The following GALK2 variants were observed in gnomAD, a reference collection of about 807,000 sequenced individuals.
The protein encoded by GALK2 is galactokinase 2, also known as N-acetylgalactosamine kinase.
GALK2 carries 36 observed loss-of-function variants against 52.4 expected under a neutral mutation model. The observed-to-expected ratio is 0.69, with a 90% CI of 0.53 to 0.91. The LOEUF is 0.91. GALK2 is among the 40% of genes least tolerant of loss of function. The probability of loss-of-function intolerance (pLI) is 0.00; values close to 1 mark genes in which losing one functional copy is unlikely to be tolerated. For missense variants in GALK2, 579 were observed against 559.1 expected (o/e 1.04, Z -0.36); for synonymous variants, 176 against 199.1 (o/e 0.88, Z 0.98).
intron 5 of GALK2, among the ~76,000 whole-genome samples, chr15:49,271,742 T>G (rs2030664410): frequency 6.6e-6 from 1 of 152,210 alleles, no homozygotes; most frequent in African/African-American, 2.4e-5. Context: ...GGCATTACAA[T>G]TATTGGGCTA....
chr15:49,177,744 C>T, intron 1 of GALK2: 1 of 812,964 alleles, frequency 1.2e-6, no homozygotes, highest in Non-Finnish European at 1.8e-6. Flanking sequence ...TCACCCTTTG[C>T]TTGTGGACTG....
At chr15:49,166,401 G>A (rs1255071178), upstream of GALK2, among the ~76,000 whole-genome samples, 1 of 151,980 alleles carries the variant, frequency 6.6e-6, no homozygotes, top group African/African-American at 2.4e-5. Flanking sequence ...ATATACACTA[G>A]AGAGCAGTAT....
At position 49,195,418 on chromosome 15, in the gene GALK2, T is replaced by A. The variant is rs191104693; in HGVS notation, c.54-5744T>A. Among the ~76,000 whole-genome samples the A allele has an allele frequency of 6.6e-5, 10 of 152,350 alleles. No individual in the cohort carries two copies. In the East Asian group the frequency reaches 1.9e-3, roughly 29 times the overall value. ...TTTCAAGAATGTTTAAAAACTTTTC[T>A]TAAATAGATTTTGCACGTTTATTAA... On this transcript the variant is annotated intron_variant, in intron 1 of 9. Transcript: ENST00000560031.
At chr15:49,301,458 A>G (rs771098517) in intron 8 of GALK2, among the ~76,000 whole-genome samples, 1 of 152,030 alleles carries the variant, frequency 6.6e-6, no homozygotes, top group African/African-American at 2.4e-5. Context: ...ATTGGGAGGG[A>G]TGTTTCCCAT....
intron 2 of GALK2, among the ~76,000 whole-genome samples, chr15:49,215,783 T>C (rs775985727): frequency 4.6e-5 from 7 of 152,254 alleles, no homozygotes; most frequent in Non-Finnish European, 7.3e-5. Context: ...CTGGATACTC[T>C]TGATGCTTGT....
intron 2 of GALK2, among the ~76,000 whole-genome samples, chr15:49,215,716 C>G (rs772503866): frequency 6.6e-5 from 10 of 152,208 alleles, no homozygotes; most frequent in Admixed American, 1.3e-4. Flanking sequence ...ACATCTCCAT[C>G]TTTCTGGGAT....
chr15:49,284,888 T>C (rs1465731511), intron 7 of GALK2, among the ~76,000 whole-genome samples: 1 of 152,150 alleles, frequency 6.6e-6, no homozygotes. Context: ...TTTAACTTGT[T>C]CCTCGCCTCT....
intron 1 of GALK2, chr15:49,178,387 A>ATATG: frequency 6.0e-6 from 1 of 167,820 alleles, no homozygotes; most frequent in Non-Finnish European, 1.2e-5. Flanking sequence ...ACATATATAT[A>ATATG]TATATGTGAA....
At position 49,170,310 on chromosome 15, in the gene GALK2, G is replaced by T; in HGVS notation, c.-13G>T. 1 of 1,578,682 alleles carries T rather than the reference G, an allele frequency of 6.3e-7. No homozygotes were observed. Among genetic ancestry groups the T allele is most frequent in the Admixed American group, 1.8e-5 (1 of 54,286 alleles). On this transcript the variant is annotated 5_prime_UTR_variant, in exon 1 of 10. Transcript: ENST00000560031. Reference sequence around the variant, plus strand: ...CACTTGAAACTACAGGAGAAAGAAGGATCTAGCGAAATATGGCTACAGAGA... The same window carrying T: ...CACTTGAAACTACAGGAGAAAGAAGTATCTAGCGAAATATGGCTACAGAGA...
chr15:49,269,542 C>G (rs946230839), intron 5 of GALK2, among the ~76,000 whole-genome samples: 2 of 152,208 alleles, frequency 1.3e-5, no homozygotes, highest in African/African-American at 4.8e-5. Context: ...TTTGTTTCAG[C>G]ATTTCTACAT....
rs1468439517 is a variant in GALK2, at chr15:49,258,788, A to ATGTG, written c.504+19422_504+19423insGTGT. On this transcript the variant is annotated intron_variant, in intron 5 of 9. Transcript: ENST00000560031. Reference sequence around the variant, plus strand: ...CATTTATTTGGAAGCATATATATATATATATATGTGTGTGTGTGTGTGTGT... The same window carrying ATGTG: ...CATTTATTTGGAAGCATATATATATATGTGTATATATGTGTGTGTGTGTGTGTGT... Among the ~76,000 whole-genome samples, 120 of 113,470 alleles carry ATGTG rather than the reference A, an allele frequency of 1.1e-3. 1 individual carries two copies. The highest frequency in any genetic ancestry group is 5.0e-3 in the South Asian group (15 of 3,028). The allele number at this position is 113,470 out of a possible 152,430, so 74.4% of individuals were successfully genotyped here.
chr15:49,213,329 A>G (rs530212175), intron 2 of GALK2, among the ~76,000 whole-genome samples: 6 of 152,176 alleles, frequency 3.9e-5, no homozygotes, highest in African/African-American at 1.2e-4. Flanking sequence ...TTTCATTTGT[A>G]TGGAGTATCT....
At chr15:49,297,217 G>A (rs187509251) in intron 8 of GALK2, among the ~76,000 whole-genome samples, 123 of 152,258 alleles carry the variant, frequency 8.1e-4, no homozygotes, top group Non-Finnish European at 1.0e-3. Context: ...TGTTGGCCAT[G>A]TGTATGTCTT....
At chr15:49,249,314 G>A (rs2091490774) in intron 5 of GALK2, among the ~76,000 whole-genome samples, 1 of 152,198 alleles carries the variant, frequency 6.6e-6, no homozygotes, top group South Asian at 2.1e-4. Context: ...ATAGAGTAAG[G>A]AAGACAATGA....
At chr15:49,305,326 C>T (rs1030251101) in intron 8 of GALK2, among the ~76,000 whole-genome samples, 1 of 152,160 alleles carries the variant, frequency 6.6e-6, no homozygotes, top group Non-Finnish European at 1.5e-5. Flanking sequence ...ATTCATGTGG[C>T]AGGTTTCAGA....
chr15:49,193,020 T>C (rs907175200), intron 1 of GALK2, among the ~76,000 whole-genome samples: 2 of 139,992 alleles, frequency 1.4e-5, no homozygotes, highest in Non-Finnish European at 3.1e-5. Flanking sequence ...TTTTTTTTGA[T>C]GGAATCTCGC....
intron 5 of GALK2, among the ~76,000 whole-genome samples, chr15:49,270,952 C>T (rs1390685194): frequency 6.6e-6 from 1 of 152,106 alleles, no homozygotes; most frequent in Non-Finnish European, 1.5e-5. Context: ...AAGAGTGGGA[C>T]AGGACTGTTC....
intron 3 of GALK2, among the ~76,000 whole-genome samples, chr15:49,230,798 G>A (rs1014946577): frequency 6.6e-6 from 1 of 152,176 alleles, no homozygotes; most frequent in African/African-American, 2.4e-5. Context: ...GTAATAATGG[G>A]TCATGTCTGC....
chr15:49,329,397 T>C lies in GALK2; in HGVS notation c.*1238T>C, dbSNP rs1246806129. On this transcript the variant is annotated 3_prime_UTR_variant, in exon 10 of 10. Transcript: ENST00000560031. Reference sequence around the variant, plus strand: ...GGTAATTGAGATAGCAATGGTTTTATGGCATGAATTATCCAAAAAAATATC... The same window carrying C: ...GGTAATTGAGATAGCAATGGTTTTACGGCATGAATTATCCAAAAAAATATC... 7.1e-6 allele frequency: 7 copies of C among 985,210 alleles called. No homozygotes were observed. Among genetic ancestry groups the C allele is most frequent in the Non-Finnish European group, 8.4e-6 (7 of 829,846 alleles). The allele number at this position is 985,210 out of a possible 1,614,324, so 61.0% of individuals were successfully genotyped here. A position where few individuals can be genotyped will look rare whatever the true frequency, so the allele number is the denominator to read the frequency against.
Sources: allele counts gnomAD v4.1 joint callset (sites outside exome capture counted in the v4.1 genomes callset), GRCh38; gene constraint gnomAD v4.1.1; transcripts MANE v1.5; gene names NCBI Gene and HGNC (gene_info 2026-07-23, HGNC 2026-07-21).